CNP: variants seen among roughly 807,000 people sequenced by gnomAD.
The protein encoded by CNP is 2',3'-cyclic nucleotide 3' phosphodiesterase, also known as 2',3'-cyclic-nucleotide 3'-phosphodiesterase.
In CNP, 8 loss-of-function variants were observed where a neutral mutation model predicts 37.9. The ratio of observed to expected loss-of-function variants is 0.21; its 90% confidence interval spans 0.12 to 0.38. The LOEUF is 0.38. CNP is among the 10% of genes least tolerant of loss of function. The pLI is 1.00. For missense variants in CNP, 457 were observed against 551.0 expected, an observed-to-expected ratio of 0.83 and a Z score of 1.71; for synonymous variants, 237 against 238.3, an observed-to-expected ratio of 0.99 and a Z score of 0.05.
At position 41,968,836 on chromosome 17, in the gene CNP, G is replaced by A; in HGVS notation, c.676+96G>A. The A allele has an allele frequency of 7.3e-7, 1 of 1,363,216 alleles. No individual in the cohort carries two copies. Among genetic ancestry groups the A allele is most frequent in the Non-Finnish European group, 9.8e-7 (1 of 1,020,100 alleles). The allele number at this position is 1,363,216 out of a possible 1,614,324, so 84.4% of individuals were successfully genotyped here. Reference sequence around the variant, plus strand: ...TTGTACTCAAAGGATGGAGCACGAAGCAGCAGGAGGCAGAGAGAGGCTCAC... The same window carrying A: ...TTGTACTCAAAGGATGGAGCACGAAACAGCAGGAGGCAGAGAGAGGCTCAC... On this transcript the variant is annotated intron_variant, in intron 2 of 3. Coordinates refer to ENST00000393892, the MANE Select transcript of CNP (RefSeq NM_033133.5). The surrounding 1 kb of genome is among the most constrained non-coding windows in gnomAD (Gnocchi z 4.8).
rs781921912 is a variant in CNP, at chr17:41,974,262, T to A, written c.*338T>A. ...TAGCTCAGCCCCAGCCCAGCCCAGC[T>A]GCTCTGCCCAGAGCTGGGTGAGTGG... On this transcript the variant is annotated 3_prime_UTR_variant, in exon 4 of 4. Coordinates refer to ENST00000393892, the MANE Select transcript of CNP (RefSeq NM_033133.5). 51 of 183,438 alleles carry A rather than the reference T, an allele frequency of 2.8e-4. No individual in the cohort carries two copies. Among genetic ancestry groups the A allele is most frequent in the Non-Finnish European group, 5.4e-4 (48 of 88,838 alleles). 11.4% of individuals were successfully genotyped at this position (183,438 alleles called of 1,614,324 possible).
rs8078650 is a variant in CNP, at chr17:41,968,753, T to G, written c.676+13T>G. The G allele has an allele frequency of 0.19, 295,754 of 1,597,050 alleles. 29,245 individuals are homozygous for G. The highest frequency in any genetic ancestry group is 0.32 in the African/African-American group (24,083 of 74,296). ...GAGCTGCGACAATGTAGGTGGCAGG[T>G]TGGGGCCTTATAAGCCCACCTTGCT... On this transcript the variant is annotated intron_variant, in intron 2 of 3. Coordinates refer to ENST00000393892, the MANE Select transcript of CNP (RefSeq NM_033133.5). The surrounding 1 kb of genome is among the most constrained non-coding windows in gnomAD (Gnocchi z 4.8).
At chr17:41,970,254 G>T (rs1388779335) in intron 2 of CNP, 1 of 150,994 alleles carries the variant, frequency 6.6e-6, no homozygotes, top group African/African-American at 2.4e-5. Context: ...CTGCCACCAT[G>T]CCCGGCTAAT....
At position 41,971,879 on chromosome 17, in the gene CNP, T is replaced by TTTC. The variant is rs2050996079; in HGVS notation, c.677-11_677-9dup. ...GCTCCCCTGCCCTGACTGCACCCGT[T>TTTC]TTCTCCCGGCAGTCGTCCCTGGGGA... On this transcript the variant is annotated splice_polypyrimidine_tract_variant and intron_variant, in intron 2 of 3. Transcript: ENST00000393892. The TTTC allele has an allele frequency of 1.2e-6, 2 of 1,613,460 alleles. No homozygotes were observed. The highest frequency in any genetic ancestry group is 4.5e-5 in the East Asian group (2 of 44,840).
In CNP at chr17:41,975,176, C is replaced by T. The variant is rs113598886; in HGVS notation, c.*1252C>T. ...ATGAAATAAATCATGTTAATCCTAGCTGTGTGCAGTCTCTCTTACCCTTCT... is the reference window on the plus strand; with the variant it reads ...ATGAAATAAATCATGTTAATCCTAGTTGTGTGCAGTCTCTCTTACCCTTCT... On this transcript the variant is annotated 3_prime_UTR_variant, in exon 4 of 4. Coordinates refer to ENST00000393892, the MANE Select transcript of CNP (RefSeq NM_033133.5). 1 of 152,502 alleles carries T rather than the reference C, an allele frequency of 6.6e-6. No homozygotes were observed. The highest frequency in any genetic ancestry group is 1.5e-5 in the Non-Finnish European group (1 of 68,054). The allele number at this position is 152,502 out of a possible 1,614,324, so 9.4% of individuals were successfully genotyped here. A position where few individuals can be genotyped will look rare whatever the true frequency, so the allele number is the denominator to read the frequency against.
In CNP at chr17:41,977,356, G is replaced by A; in HGVS notation, c.*3432G>A. The A allele has an allele frequency of 6.5e-7, 1 of 1,540,040 alleles. No homozygotes were observed. Among genetic ancestry groups the A allele is most frequent in the Non-Finnish European group, 8.8e-7 (1 of 1,134,050 alleles). ...GCAGGGCAAGTAACATGGAAGGGAAGAAAAGGTGAAAAATTAGAAATGTTC... is the reference window on the plus strand; with the variant it reads ...GCAGGGCAAGTAACATGGAAGGGAAAAAAAGGTGAAAAATTAGAAATGTTC... On this transcript the variant is annotated 3_prime_UTR_variant, in exon 4 of 4. Coordinates refer to ENST00000393892, the MANE Select transcript of CNP (RefSeq NM_033133.5).
In CNP at chr17:41,977,178, C is replaced by G; in HGVS notation, c.*3254C>G. 1.4e-6 allele frequency: 2 copies of G among 1,401,328 alleles called. No individual in the cohort carries two copies. Among genetic ancestry groups the G allele is most frequent in the African/African-American group, 1.4e-5 (1 of 69,610 alleles). The allele number at this position is 1,401,328 out of a possible 1,614,324, so 86.8% of individuals were successfully genotyped here. Reference sequence around the variant, plus strand: ...CAGCTGCCCCCGCTCATGGGCCCCTCTGACTCCCAAAGAGCTGCCTAAGAG... The same window carrying G: ...CAGCTGCCCCCGCTCATGGGCCCCTGTGACTCCCAAAGAGCTGCCTAAGAG... On this transcript the variant is annotated 3_prime_UTR_variant, in exon 4 of 4. Coordinates refer to ENST00000393892, the MANE Select transcript of CNP (RefSeq NM_033133.5).
In CNP at chr17:41,976,566, G is replaced by C. The variant is rs1198859272; in HGVS notation, c.*2642G>C. On this transcript the variant is annotated 3_prime_UTR_variant, in exon 4 of 4. Coordinates refer to ENST00000393892, the MANE Select transcript of CNP (RefSeq NM_033133.5). ...CCCCTGCCCTCGGTCTTCGGCATTG[G>C]TTCCCTTTGCTCCACCCCACTCACA... 11 of 812,452 alleles carry C rather than the reference G, an allele frequency of 1.4e-5. No homozygotes were observed. The highest frequency in any genetic ancestry group is 1.9e-5 in the Non-Finnish European group (10 of 538,432). The allele number at this position is 812,452 out of a possible 1,614,324, so 50.3% of individuals were successfully genotyped here. A position where few individuals can be genotyped will look rare whatever the true frequency, so the allele number is the denominator to read the frequency against.
chr17:41,968,283 G>A lies in CNP; in HGVS notation c.219G>A (p.Lys73=), dbSNP rs1468906737. The A allele has an allele frequency of 1.2e-6, 2 of 1,614,080 alleles. No individual in the cohort carries two copies. Among genetic ancestry groups the A allele is most frequent in the East Asian group, 4.5e-5 (2 of 44,884 alleles). The part of the protein sequence containing the change: ...KSTLARVIVD[K]YRDGTKMVSA... ...CGCTGGCACGGGTCATCGTGGACAA[G>A]TACCGTGATGGCACCAAGATGGTGT... is the stretch of plus-strand genomic sequence containing the variant. Residue 73 remains lysine (K), a synonymous_variant, in exon 2 of 4, where the codon AAG becomes AAA. Coordinates refer to ENST00000393892, the MANE Select transcript of CNP (RefSeq NM_033133.5). The surrounding 1 kb of genome is among the most constrained non-coding windows in gnomAD (Gnocchi z 4.8).
chr17:41,967,716 A>G (rs1555643127), intron 1 of CNP: 1 of 1,054,996 alleles, frequency 9.5e-7, no homozygotes, highest in Non-Finnish European at 1.1e-6. Context: ...GGCTTGGCCC[A>G]GACACAGAGA....
chr17:41,967,164 G>C (rs2144555810), intron 1 of CNP, among the ~76,000 whole-genome samples: 1 of 152,240 alleles, frequency 6.6e-6, no homozygotes, highest in East Asian at 1.9e-4. Context: ...GGCCTGGGCC[G>C]GGAGCCCGGG....
Position 41,976,825 on chromosome 17 carries a change from CTT to C in CNP, c.*2903_*2904del. On this transcript the variant is annotated 3_prime_UTR_variant, in exon 4 of 4. Coordinates refer to ENST00000393892, the MANE Select transcript of CNP (RefSeq NM_033133.5). Reference sequence around the variant, plus strand: ...GCTATGGATTTTCTAAGGAAGATCACTTTGCTCTGATTATGGAAAAGTCTTCA... The same window carrying C: ...GCTATGGATTTTCTAAGGAAGATCACTGCTCTGATTATGGAAAAGTCTTCA... 1.9e-6 allele frequency: 3 copies of C among 1,590,348 alleles called. No homozygotes were observed. The South Asian group carries it at 3.4e-5, about 18-fold the overall frequency.
chr17:41,967,200 C>G (rs1198977214), intron 1 of CNP: 2 of 290,576 alleles, frequency 6.9e-6, no homozygotes, highest in East Asian at 1.1e-4. Context: ...CACGCAGGCC[C>G]GCGCTGGGGC....
Position 41,976,873 on chromosome 17 carries a change from C to G in CNP, c.*2949C>G, listed in dbSNP as rs782582576. On this transcript the variant is annotated 3_prime_UTR_variant, in exon 4 of 4. Transcript: ENST00000393892. ...CTTCAAGGGCTGCTTCAAACTCAAA[C>G]ACAGAGAGAAACTCTATGGGTATCA... The G allele has an allele frequency of 4.5e-5, 65 of 1,430,090 alleles. No homozygotes were observed. The highest frequency in any genetic ancestry group is 6.0e-5 in the Non-Finnish European group (63 of 1,053,302). 88.6% of individuals were successfully genotyped at this position (1,430,090 alleles called of 1,614,324 possible). A position where few individuals can be genotyped will look rare whatever the true frequency, so the allele number is the denominator to read the frequency against.
chr17:41,966,975 G>T, intron 1 of CNP, 88 bp downstream of exon 1: 2 of 1,245,584 alleles, frequency 1.6e-6, no homozygotes, highest in South Asian at 5.5e-5. Flanking sequence ...TCTTGCAAAC[G>T]AGGACCCGGG....
In CNP at chr17:41,968,207, A is replaced by C. The variant is rs1555643204; in HGVS notation, c.143A>C (p.Glu48Ala). 6.2e-7 allele frequency: 1 copy of C among 1,614,138 alleles called. No homozygotes were observed. The highest frequency in any genetic ancestry group is 2.2e-5 in the East Asian group (1 of 44,858). The change falls in exon 2 of 4, where the codon GAG becomes GCG. Residue 48 changes from glutamate to alanine, a missense_variant. Around this residue, in one of 2 missense-constraint regions of CNP, gnomAD observed 166 missense variants for 259.3 expected, o/e 0.64. Transcript: ENST00000393892. This position sits in a 1 kb window ranked among gnomAD's most constrained non-coding sequence, Gnocchi z 4.8. ...GAGGACACAGTGGCCACGCTGCTAG[A>C]GTGCAAGACGCTCTTCATCTTGCGC... is the stretch of plus-strand genomic sequence containing the variant. ...QDEDTVATLL[E>A]CKTLFILRGL...
Position 41,968,705 on chromosome 17 carries a change from G to A in CNP, c.641G>A (p.Gly214Glu). ...GGCCAGGTCTTCCTGGAAGAGCTGG[G>A]GAACCACAAGGCCTTCAAGAAGGAG... ...KAGQVFLEEL[G>E]NHKAFKKELR... Residue 214 changes from glycine to glutamate, a missense_variant, in exon 2 of 4, where the codon GGG (glycine) becomes GAG (glutamate). This residue lies in a region of CNP where 291 missense variants were observed against 291.7 expected (regional missense o/e 1.00). Transcript: ENST00000393892. This position sits in a 1 kb window ranked among gnomAD's most constrained non-coding sequence, Gnocchi z 4.8. The A allele has an allele frequency of 6.2e-7, 1 of 1,613,260 alleles. No individual in the cohort carries two copies. Among genetic ancestry groups the A allele is most frequent in the Non-Finnish European group, 8.5e-7 (1 of 1,179,444 alleles).
At position 41,973,825 on chromosome 17, in the gene CNP, G is replaced by A. The variant is rs1555644255; in HGVS notation, c.1167G>A (p.Glu389=). ...RWMLTLAKNM[E]VRAIFTGYYG... is the part of the protein sequence containing the mutation. ...TGCTGACCCTGGCCAAGAACATGGA[G>A]GTCAGGGCCATCTTCACGGGGTACT... The change falls in exon 4 of 4, where the codon GAG becomes GAA. Residue 389 remains glutamate (E), a synonymous_variant. Transcript: ENST00000393892. 6.2e-7 allele frequency: 1 copy of A among 1,611,572 alleles called. No individual in the cohort carries two copies. Among genetic ancestry groups the A allele is most frequent in the Non-Finnish European group, 8.5e-7 (1 of 1,178,682 alleles).
Position 41,977,458 on chromosome 17 carries a change from TC to T in CNP, c.*3535del. 1 of 772,758 alleles carries T rather than the reference TC, an allele frequency of 1.3e-6. No individual in the cohort carries two copies. The highest frequency in any genetic ancestry group is 1.8e-5 in the South Asian group (1 of 56,102). The allele number at this position is 772,758 out of a possible 1,614,324, so 47.9% of individuals were successfully genotyped here. ...CTCACTCCCCTCCTTTCCCAACACTTCAGACTGCAAGTGAGCAAACCTGCCC... is the reference window on the plus strand; with the variant it reads ...CTCACTCCCCTCCTTTCCCAACACTTAGACTGCAAGTGAGCAAACCTGCCC... On this transcript the variant is annotated 3_prime_UTR_variant, in exon 4 of 4. Coordinates refer to ENST00000393892, the MANE Select transcript of CNP (RefSeq NM_033133.5).
Sources: allele counts gnomAD v4.1 joint callset (sites outside exome capture counted in the v4.1 genomes callset), GRCh38; gene constraint gnomAD v4.1.1; regional missense constraint gnomAD v4.1.1; non-coding constraint Gnocchi (gnomAD v3.1); transcripts MANE v1.5; gene names NCBI Gene and HGNC (gene_info 2026-07-23, HGNC 2026-07-21).